DPP10: variants seen among roughly 807,000 people sequenced by gnomAD.
DPP10 encodes inactive dipeptidyl peptidase 10.
Under a neutral mutation model 120.9 loss-of-function variants are expected in DPP10, and 33 were observed. The observed-to-expected ratio is 0.27, with a 90% CI of 0.21 to 0.37. DPP10 has a LOEUF of 0.37. DPP10 is among the 10% of genes least tolerant of loss of function. The pLI, the probability that DPP10 is intolerant of heterozygous loss-of-function variation, is 1.00. For synonymous variants in DPP10, 337 were observed against 326.1 expected, an observed-to-expected ratio of 1.03 and a Z score of -0.36; for missense variants, 816 against 942.8, an observed-to-expected ratio of 0.87 and a Z score of 1.76.
At chr2:115,702,247 G>T (rs776476208) in intron 7 of DPP10, among the ~76,000 whole-genome samples, 2 of 151,936 alleles carry the variant, frequency 1.3e-5, no homozygotes, top group African/African-American at 2.4e-5. Context: ...AGAGAGTGCT[G>T]GTGGGCATTT....
chr2:114,678,410 A>G (rs897006482), intron 1 of DPP10, among the ~76,000 whole-genome samples: 1 of 152,130 alleles, frequency 6.6e-6, no homozygotes, highest in African/African-American at 2.4e-5. Flanking sequence ...TCTATGGGGA[A>G]GTTTTATTGT....
intron 1 of DPP10, among the ~76,000 whole-genome samples, chr2:114,820,952 C>A (rs879281433): frequency 6.6e-6 from 1 of 152,102 alleles, no homozygotes; most frequent in Admixed American, 6.5e-5. Context: ...TTAGATAAAA[C>A]AACATGGATA....
At chr2:114,976,655 C>G (rs1406846754) in intron 1 of DPP10, among the ~76,000 whole-genome samples, 1 of 152,082 alleles carries the variant, frequency 6.6e-6, no homozygotes, top group African/African-American at 2.4e-5. Flanking sequence ...TACTTTTTCC[C>G]CCTTGTAAGT....
intron 1 of DPP10, among the ~76,000 whole-genome samples, chr2:114,552,714 T>C (rs1687984244): frequency 6.6e-6 from 1 of 152,186 alleles, no homozygotes; most frequent in East Asian, 1.9e-4. Context: ...CCTGGCTAAT[T>C]TTTTTATTTT....
At chr2:115,046,587 C>T (rs1351699441) in intron 1 of DPP10, among the ~76,000 whole-genome samples, 1 of 152,052 alleles carries the variant, frequency 6.6e-6, no homozygotes, top group Non-Finnish European at 1.5e-5. Context: ...CAGAATTCAC[C>T]TTAGTTTGTA....
intron 1 of DPP10, among the ~76,000 whole-genome samples, chr2:115,275,753 G>A (rs1359396262): frequency 1.3e-5 from 2 of 148,834 alleles, no homozygotes; most frequent in East Asian, 2.0e-4. Context: ...AGGCTGGGGC[G>A]CAGTGGCCTG....
chr2:115,575,199 CACCTCA>C (rs2081576744), intron 5 of DPP10, among the ~76,000 whole-genome samples: 1 of 152,168 alleles, frequency 6.6e-6, no homozygotes, highest in Admixed American at 6.5e-5. Context: ...AAATAAGAGT[CACCTCA>C]GGCATCAAAC....
intron 7 of DPP10, among the ~76,000 whole-genome samples, chr2:115,716,984 T>A (rs1045193340): frequency 2.0e-5 from 3 of 152,190 alleles, no homozygotes; most frequent in Non-Finnish European, 4.4e-5. Flanking sequence ...AATTTTGGAA[T>A]CCCCATTTGA....
At chr2:115,653,049 G>C (rs2087947514) in intron 5 of DPP10, among the ~76,000 whole-genome samples, 1 of 151,994 alleles carries the variant, frequency 6.6e-6, no homozygotes, top group South Asian at 2.1e-4. Context: ...AAGCACAAAT[G>C]ATGATGGAGT....
At chr2:115,053,852 A>G (rs1705695656) in intron 1 of DPP10, among the ~76,000 whole-genome samples, 1 of 152,218 alleles carries the variant, frequency 6.6e-6, no homozygotes, top group African/African-American at 2.4e-5. Context: ...ACTAGGATAT[A>G]AGCATTTTGA....
intron 5 of DPP10, among the ~76,000 whole-genome samples, chr2:115,667,164 T>C (rs1165673593): frequency 6.6e-6 from 1 of 152,086 alleles, no homozygotes; most frequent in Non-Finnish European, 1.5e-5. Flanking sequence ...TCAAAAAGTG[T>C]TTGTTCATGT....
At chr2:115,115,942 A>G (rs1471397495) in intron 1 of DPP10, among the ~76,000 whole-genome samples, 1 of 152,132 alleles carries the variant, frequency 6.6e-6, no homozygotes, top group Non-Finnish European at 1.5e-5. Flanking sequence ...AGCAGAAGGA[A>G]AGTGGTGTGA....
At chr2:115,796,997 T>C (rs1684609659) in intron 19 of DPP10, among the ~76,000 whole-genome samples, 2 of 152,114 alleles carry the variant, frequency 1.3e-5, no homozygotes, top group African/African-American at 4.8e-5. Context: ...ATTATGATAA[T>C]TATTGGCATA....
At chr2:115,829,461 TTTAC>T (rs767552601) in intron 21 of DPP10, among the ~76,000 whole-genome samples, 2 of 148,334 alleles carry the variant, frequency 1.3e-5, no homozygotes, top group Non-Finnish European at 2.9e-5. Flanking sequence ...ATTTTCACTC[TTTAC>T]TTCTCTCTTT....
At chr2:114,764,815 A>G (rs1372961730) in intron 1 of DPP10, among the ~76,000 whole-genome samples, 3 of 152,192 alleles carry the variant, frequency 2.0e-5, no homozygotes, top group Non-Finnish European at 2.9e-5. Context: ...TATGCATTTA[A>G]TATTTTGGCT....
At chr2:115,088,473 G>C (rs943053499) in intron 1 of DPP10, among the ~76,000 whole-genome samples, 1 of 151,554 alleles carries the variant, frequency 6.6e-6, no homozygotes, top group Non-Finnish European at 1.5e-5. Flanking sequence ...TTGAGAGACG[G>C]GGTCTTGCTG....
At chr2:115,757,183 AATATT>A (rs1193982811) in intron 11 of DPP10, among the ~76,000 whole-genome samples, 2 of 152,084 alleles carry the variant, frequency 1.3e-5, no homozygotes, top group Non-Finnish European at 2.9e-5. Flanking sequence ...CATTTCAACT[AATATT>A]ATAAGAGTAG....
intron 1 of DPP10, among the ~76,000 whole-genome samples, chr2:114,757,105 A>C (rs1197014631): frequency 7.1e-6 from 1 of 140,726 alleles, no homozygotes; most frequent in Non-Finnish European, 1.5e-5. Flanking sequence ...GGAAGGAAGG[A>C]GGAAGGGAGG....
intron 1 of DPP10, among the ~76,000 whole-genome samples, chr2:114,706,173 T>C (rs1300357381): frequency 3.3e-5 from 5 of 152,198 alleles, no homozygotes; most frequent in Admixed American, 3.3e-4. Context: ...GATTCCAAAG[T>C]TCTGTAGGAC....
Sources: gnomAD v4.1 joint callset for allele counts (sites outside exome capture counted in the v4.1 genomes callset) on GRCh38, gnomAD v4.1.1 for gene constraint, MANE v1.5 for transcripts, NCBI Gene and HGNC (gene_info 2026-07-23, HGNC 2026-07-21) for gene names.